The following GNB5 variants were observed in gnomAD, a reference collection of about 807,000 sequenced individuals.
GNB5 encodes the protein guanine nucleotide-binding protein subunit beta-5.
GNB5 carries 37 observed loss-of-function variants against 55.3 expected under a neutral mutation model. The ratio of observed to expected loss-of-function variants is 0.67; its 90% CI spans 0.51 to 0.88. The LOEUF is 0.88. Ranked by LOEUF, GNB5 falls within the 40% of genes least tolerant of loss-of-function variation. GNB5 has a pLI of 0.00. For synonymous variants in GNB5, 219 were observed against 198.5 expected (o/e 1.10, Z -0.87); for missense variants, 476 against 515.3 (o/e 0.92, Z 0.74).
At chr15:52,164,584 C>A (rs139577689) in intron 3 of GNB5, among the ~76,000 whole-genome samples, 1 of 151,294 alleles carries the variant, frequency 6.6e-6, no homozygotes, top group Non-Finnish European at 1.5e-5. Flanking sequence ...GCCGAGAGCA[C>A]GACACTGCAC....
intron 4 of GNB5, among the ~76,000 whole-genome samples, chr15:52,151,151 CCA>C (rs1157475462): frequency 1.3e-5 from 2 of 152,170 alleles, no homozygotes; most frequent in African/African-American, 4.8e-5. Context: ...GCCTAAATGG[CCA>C]CACACAGTGT....
In GNB5 at chr15:52,120,416, G is replaced by A. The variant is rs890737128; in HGVS notation, c.*2341C>T. 3 of 152,236 alleles carry A rather than the reference G, an allele frequency of 2.0e-5. No individual in the cohort carries two copies. The highest frequency in any genetic ancestry group is 2.1e-4 in the South Asian group (1 of 4,832). 9.4% of individuals were successfully genotyped at this position (152,236 alleles called of 1,614,324 possible). On this transcript the variant is annotated 3_prime_UTR_variant, in exon 13 of 13. Transcript: ENST00000261837. The stretch of plus-strand genomic sequence containing the variant: ...AGCGAAGGAGGCTTCCTGCCCATGC[G>A]GGGAGTGGAAGCATTCTCTGGAATA...
Position 52,118,480 on chromosome 15 carries a change from T to G in GNB5, c.*4277A>C, listed in dbSNP as rs1174782691. 1.3e-5 allele frequency: 2 copies of G among 152,178 alleles called. No individual in the cohort carries two copies. Among genetic ancestry groups the G allele is most frequent in the Non-Finnish European group, 2.9e-5 (2 of 68,026 alleles). The allele number at this position is 152,178 out of a possible 1,614,324, so 9.4% of individuals were successfully genotyped here. On this transcript the variant is annotated 3_prime_UTR_variant, in exon 13 of 13. Coordinates refer to ENST00000261837, the MANE Select transcript of GNB5 (RefSeq NM_016194.4). ...TGGAACGTGTGCATCTGTATTCTTG[T>G]GTTTTATAACTTTTTCTCAGTCTTA...
In GNB5 at chr15:52,179,859, G is replaced by A. The variant is rs1277195434; in HGVS notation, c.147C>T (p.His49=). Residue 49 remains histidine (H), a synonymous_variant, in exon 3 of 13, where the codon CAC becomes CAT. Transcript: ENST00000261837. ...TCAGCGACGCCAGCGTCTCGTTCTC[G>A]TGCAGCCCCTCGGTTGCCATCTTCG... is the stretch of plus-strand genomic sequence containing the variant. ...CAEIMATEGL[H]ENETLASLKS... The A allele has an allele frequency of 6.5e-7, 1 of 1,549,456 alleles. No individual in the cohort carries two copies. Among genetic ancestry groups the A allele is most frequent in the Non-Finnish European group, 8.7e-7 (1 of 1,149,076 alleles).
chr15:52,153,950 C>T lies in GNB5; in HGVS notation c.365G>A (p.Ser122Asn). Residue 122 changes from serine to asparagine, a missense_variant, in exon 4 of 13, where the codon AGC becomes AAC. Coordinates refer to ENST00000261837, the MANE Select transcript of GNB5 (RefSeq NM_016194.4). ...GCAGGTGTGACATACCTGTGACGAG[C>T]TCACGATCCTCCTCTTATCTTTGCA... ...DWCKDKRRIV[S>N]SSQDGKVIVW... The T allele has an allele frequency of 6.2e-7, 1 of 1,613,128 alleles. No homozygotes were observed. The highest frequency in any genetic ancestry group is 8.5e-7 in the Non-Finnish European group (1 of 1,179,276).
At chr15:52,156,674 G>A (rs2034213687) in intron 3 of GNB5, among the ~76,000 whole-genome samples, 2 of 152,112 alleles carry the variant, frequency 1.3e-5, no homozygotes, top group Non-Finnish European at 2.9e-5. Flanking sequence ...AGGTCGCAGT[G>A]GGCAGAGGTC....
chr15:52,128,162 A>C, intron 10 of GNB5, 34 bp downstream of exon 10: 1 of 1,467,420 alleles, frequency 6.8e-7, no homozygotes, highest in Admixed American at 1.7e-5. Context: ...CCCTCTATTG[A>C]CTAGGAAAAG....
intron 3 of GNB5, among the ~76,000 whole-genome samples, chr15:52,164,811 G>A (rs1191384915): frequency 2.0e-5 from 3 of 151,930 alleles, no homozygotes; most frequent in Non-Finnish European, 4.4e-5. Context: ...TCTTCTCCAC[G>A]TGATCACAGC....
At chr15:52,185,753 T>A (rs971948859) in intron 1 of GNB5, among the ~76,000 whole-genome samples, 2 of 136,724 alleles carry the variant, frequency 1.5e-5, no homozygotes, top group African/African-American at 5.4e-5. Flanking sequence ...TATTCATCTT[T>A]TTATTATTAT....
chr15:52,164,736 A>G (rs1485802272), intron 3 of GNB5, among the ~76,000 whole-genome samples: 1 of 152,206 alleles, frequency 6.6e-6, no homozygotes, highest in Non-Finnish European at 1.5e-5. Context: ...CTTAAGATAG[A>G]TAAGCCCACC....
At chr15:52,188,990 A>G (rs2034882461) in intron 1 of GNB5, among the ~76,000 whole-genome samples, 2 of 152,244 alleles carry the variant, frequency 1.3e-5, no homozygotes, top group Admixed American at 1.3e-4. Context: ...TAACACTTAT[A>G]GATCAACCTT....
intron 8 of GNB5, among the ~76,000 whole-genome samples, chr15:52,134,944 G>A (rs551310868): frequency 6.6e-6 from 1 of 152,100 alleles, no homozygotes; most frequent in African/African-American, 2.4e-5. Context: ...GAGGGGAAGT[G>A]CAAATACCAC....
chr15:52,179,263 A>G (rs2141239303), intron 3 of GNB5, among the ~76,000 whole-genome samples: 1 of 151,990 alleles, frequency 6.6e-6, no homozygotes, highest in East Asian at 1.9e-4. Flanking sequence ...AGGATAGGGG[A>G]GAGGTTGGAA....
intron 3 of GNB5, among the ~76,000 whole-genome samples, chr15:52,160,526 A>C (rs1217182660): frequency 6.6e-6 from 1 of 152,234 alleles, no homozygotes; most frequent in Non-Finnish European, 1.5e-5. Context: ...GAAGGGGTGA[A>C]TGAAAAGAGG....
chr15:52,129,875 A>G (rs924221576), intron 9 of GNB5, among the ~76,000 whole-genome samples: 2 of 152,214 alleles, frequency 1.3e-5, no homozygotes, highest in East Asian at 3.8e-4. Flanking sequence ...TCCTTCCCAA[A>G]ATGCTAATAC....
At chr15:52,136,554 T>C (rs1372599054) in intron 7 of GNB5, among the ~76,000 whole-genome samples, 1 of 152,192 alleles carries the variant, frequency 6.6e-6, no homozygotes, top group Admixed American at 6.5e-5. Context: ...CGGGGCACAC[T>C]GGGAGCAGCA....
intron 4 of GNB5, among the ~76,000 whole-genome samples, chr15:52,152,397 C>T (rs774483952): frequency 4.0e-5 from 6 of 151,860 alleles, no homozygotes; most frequent in Non-Finnish European, 8.8e-5. Context: ...GGTCTCAGCT[C>T]ACTGCAACCT....
At chr15:52,135,875 A>T in intron 7 of GNB5, 119 bp from the exon 8 acceptor site, 1 of 716,220 alleles carries the variant, frequency 1.4e-6, no homozygotes, top group Non-Finnish European at 2.4e-6. Context: ...ACACACACAC[A>T]CACACACACA....
At chr15:52,179,264 G>C (rs576290678) in intron 3 of GNB5, among the ~76,000 whole-genome samples, 1 of 152,154 alleles carries the variant, frequency 6.6e-6, no homozygotes, top group African/African-American at 2.4e-5. Flanking sequence ...GGATAGGGGA[G>C]AGGTTGGAAA....
Sources: gnomAD v4.1 joint callset for allele counts (sites outside exome capture counted in the v4.1 genomes callset) on GRCh38, gnomAD v4.1.1 for gene constraint, MANE v1.5 for transcripts, NCBI Gene and HGNC (gene_info 2026-07-23, HGNC 2026-07-21) for gene names.